YWHAE: variants seen among roughly 807,000 people sequenced by gnomAD.
The protein encoded by YWHAE is 14-3-3 protein epsilon.
In YWHAE, 4 loss-of-function variants were observed where a neutral mutation model predicts 30.1. The observed-to-expected ratio is 0.13, with a 90% CI of 0.07 to 0.30. YWHAE has a LOEUF of 0.30. Ranked by LOEUF, YWHAE falls within the 10% of genes least tolerant of loss-of-function variation. YWHAE has a pLI of 1.00. For synonymous variants in YWHAE, 118 were observed against 111.8 expected, an observed-to-expected ratio of 1.06 and a Z score of -0.35; for missense variants, 121 against 315.9, an observed-to-expected ratio of 0.38 and a Z score of 4.68.
At chr17:1,364,482 T>C (rs1320780553) in intron 2 of YWHAE, among the ~76,000 whole-genome samples, 1 of 152,040 alleles carries the variant, frequency 6.6e-6, no homozygotes, top group Non-Finnish European at 1.5e-5. Context: ...CACCTCAGCC[T>C]CCCAAAGTGC....
intron 1 of YWHAE, among the ~76,000 whole-genome samples, chr17:1,382,902 G>GT (rs1168851423): frequency 6.6e-6 from 1 of 151,714 alleles, no homozygotes; most frequent in African/African-American, 2.4e-5. Context: ...GCATATGACT[G>GT]TAATTCCAGC....
At chr17:1,394,460 A>AAAAAAAC (rs1555647412) in intron 1 of YWHAE, among the ~76,000 whole-genome samples, 17 of 137,604 alleles carry the variant, frequency 1.2e-4, no homozygotes, top group African/African-American at 4.9e-4. Context: ...AAAAAAAAAA[A>AAAAAAAC]ACACAAAAAT....
At chr17:1,352,493 CAT>C (rs972638874) in intron 5 of YWHAE, among the ~76,000 whole-genome samples, 14 of 151,950 alleles carry the variant, frequency 9.2e-5, no homozygotes, top group African/African-American at 2.9e-4. Flanking sequence ...AGCAACGCGA[CAT>C]ATGTTTTATG....
chr17:1,345,136 A>G lies in YWHAE; in HGVS notation c.*311T>C. 1 of 410,684 alleles carries G rather than the reference A, an allele frequency of 2.4e-6. No individual in the cohort carries two copies. Among genetic ancestry groups the G allele is most frequent in the South Asian group, 4.3e-5 (1 of 23,198 alleles). The allele number at this position is 410,684 out of a possible 1,614,324, so 25.4% of individuals were successfully genotyped here. On this transcript the variant is annotated 3_prime_UTR_variant, in exon 6 of 6. Transcript: ENST00000264335. Reference sequence around the variant, plus strand: ...CTTTCAAATGTAATTTCCATTTGCTAATGGTGATCTTGCCACATCTGGCAC... The same window carrying G: ...CTTTCAAATGTAATTTCCATTTGCTGATGGTGATCTTGCCACATCTGGCAC...
At chr17:1,354,982 T>G (rs1258880679) in intron 4 of YWHAE, among the ~76,000 whole-genome samples, 1 of 94,768 alleles carries the variant, frequency 1.1e-5, no homozygotes, top group African/African-American at 5.7e-5. Flanking sequence ...TTTTTTTTTT[T>G]TTTTTTTTTT....
At chr17:1,363,383 A>G (rs1467613248) in intron 2 of YWHAE, among the ~76,000 whole-genome samples, 1 of 152,062 alleles carries the variant, frequency 6.6e-6, no homozygotes, top group Non-Finnish European at 1.5e-5. Flanking sequence ...CTCCTGTCTC[A>G]GCCTCCCGAG....
At chr17:1,399,677 A>C in intron 1 of YWHAE, 1 of 364,228 alleles carries the variant, frequency 2.7e-6, no homozygotes, top group Non-Finnish European at 5.1e-6. Flanking sequence ...TGTTCTCCAC[A>C]TCCCAAGGCC....
chr17:1,373,614 G>C (rs539890540), intron 1 of YWHAE, among the ~76,000 whole-genome samples: 39 of 151,742 alleles, frequency 2.6e-4, no homozygotes, highest in Non-Finnish European at 4.3e-4. Flanking sequence ...CTTGTAGTGA[G>C]TAGAGATCGT....
intron 1 of YWHAE, among the ~76,000 whole-genome samples, chr17:1,396,646 G>GT (rs1377783836): frequency 1.3e-5 from 2 of 151,914 alleles, no homozygotes; most frequent in Admixed American, 1.3e-4. Context: ...TATATTCCCC[G>GT]TTTTTTATTG....
At chr17:1,399,774 C>T in intron 1 of YWHAE, 1 of 442,122 alleles carries the variant, frequency 2.3e-6, no homozygotes, top group South Asian at 2.4e-5. Context: ...TCGCCCTCCC[C>T]CCAGCCGCCA....
intron 4 of YWHAE, among the ~76,000 whole-genome samples, chr17:1,357,354 G>C (rs1310462204): frequency 1.4e-5 from 2 of 143,796 alleles, no homozygotes; most frequent in African/African-American, 5.3e-5. Flanking sequence ...AGTGAGCCGA[G>C]ATCGCGCTAC....
intron 1 of YWHAE, among the ~76,000 whole-genome samples, chr17:1,367,412 G>A (rs1054687292): frequency 1.4e-4 from 22 of 152,150 alleles, no homozygotes; most frequent in East Asian, 1.9e-4. Context: ...AGACCAACCT[G>A]GGCAACATGG....
Position 1,344,977 on chromosome 17 carries a change from A to T in YWHAE, c.*470T>A. 4.2e-6 allele frequency: 1 copy of T among 235,708 alleles called. No homozygotes were observed. Among genetic ancestry groups the T allele is most frequent in the East Asian group, 6.0e-5 (1 of 16,564 alleles). 14.6% of individuals were successfully genotyped at this position (235,708 alleles called of 1,614,324 possible). A position where few individuals can be genotyped will look rare whatever the true frequency, so the allele number is the denominator to read the frequency against. ...AACCACCTTTAACCATCTCAAGCTA[A>T]CACCCAATTACTTGCAAACACTGGT... is the stretch of plus-strand genomic sequence containing the variant. On this transcript the variant is annotated 3_prime_UTR_variant, in exon 6 of 6. Coordinates refer to ENST00000264335, the MANE Select transcript of YWHAE (RefSeq NM_006761.5).
At chr17:1,389,455 T>C (rs772040708) in intron 1 of YWHAE, among the ~76,000 whole-genome samples, 28 of 152,266 alleles carry the variant, frequency 1.8e-4, no homozygotes, top group Non-Finnish European at 3.7e-4. Flanking sequence ...ACAAAATTGG[T>C]CATAGCTAAC....
At chr17:1,354,087 A>G (rs2072686478) in intron 5 of YWHAE, 124 bp downstream of exon 5, 2 of 1,263,266 alleles carry the variant, frequency 1.6e-6, no homozygotes, top group East Asian at 4.8e-5. Context: ...TTACAATTTC[A>G]TAGAGGGCAG....
chr17:1,393,719 C>T (rs1015473686), intron 1 of YWHAE, among the ~76,000 whole-genome samples: 2 of 152,274 alleles, frequency 1.3e-5, no homozygotes, highest in East Asian at 1.9e-4. Context: ...GTGTTTGAGC[C>T]GCGGAACCCG....
At chr17:1,371,267 T>G (rs1284981565) in intron 1 of YWHAE, among the ~76,000 whole-genome samples, 1 of 152,078 alleles carries the variant, frequency 6.6e-6, no homozygotes, top group African/African-American at 2.4e-5. Context: ...TATTTTTTTG[T>G]AAAGACAGGG....
chr17:1,375,599 G>A (rs1203986741), intron 1 of YWHAE, among the ~76,000 whole-genome samples: 1 of 152,154 alleles, frequency 6.6e-6, no homozygotes, highest in Admixed American at 6.6e-5. Context: ...TTCATGGTTT[G>A]GGGACAAGGG....
chr17:1,383,746 G>T (rs1223453084), intron 1 of YWHAE, among the ~76,000 whole-genome samples: 1 of 152,026 alleles, frequency 6.6e-6, no homozygotes, highest in Admixed American at 6.6e-5. Flanking sequence ...CTGCACAATC[G>T]TAAGTTGCTA....
Sources: allele counts gnomAD v4.1 joint callset (sites outside exome capture counted in the v4.1 genomes callset), GRCh38; gene constraint gnomAD v4.1.1; transcripts MANE v1.5; gene names NCBI Gene and HGNC (gene_info 2026-07-23, HGNC 2026-07-21).